The following PTPRD variants were observed in gnomAD, a reference collection of about 807,000 sequenced individuals.
The protein encoded by PTPRD is protein tyrosine phosphatase receptor type D.
In PTPRD, 34 loss-of-function variants were observed where a neutral mutation model predicts 214.5. That is an observed-to-expected ratio of 0.16 (90% confidence interval 0.12 to 0.21). The LOEUF is 0.21. Among genes scored for constraint, PTPRD ranks in the 10% least tolerant of loss-of-function variants. The pLI is 1.00. For missense variants in PTPRD, 2,545 were observed against 2,398.7 expected (o/e 1.06, Z -1.27); for synonymous variants, 1,128 against 845.7 (o/e 1.33, Z -5.79).
chr9:9,833,407 T>A (rs1047594771), intron 5 of PTPRD, among the ~76,000 whole-genome samples: 1 of 151,946 alleles, frequency 6.6e-6, no homozygotes, highest in African/African-American at 2.4e-5. Context: ...AGACATCAAG[T>A]ACTTAACAGG....
chr9:8,758,455 A>T (rs911584311), intron 11 of PTPRD, among the ~76,000 whole-genome samples: 8 of 152,232 alleles, frequency 5.3e-5, no homozygotes, highest in Admixed American at 4.6e-4. Context: ...TTTAAAAAAT[A>T]AAAAGCTATG....
chr9:8,497,636 A>G (rs1034623488), intron 25 of PTPRD, among the ~76,000 whole-genome samples: 2 of 152,206 alleles, frequency 1.3e-5, no homozygotes, highest in South Asian at 2.1e-4. Flanking sequence ...ATCTTTCATT[A>G]TATTTGACAC....
At position 10,504,115 on chromosome 9, in the gene PTPRD, C is replaced by CAAAAAAAAAAAAAA. The variant is rs71332747; in HGVS notation, c.-600+108269_-600+108282dup. ...TGGGGCACAGAGCGAGACTCTGTCT[C>CAAAAAAAAAAAAAA]AAAAAAAAAAAAAAAAAAAAAAAAA... On this transcript the variant is annotated intron_variant, in intron 2 of 45. Transcript: ENST00000381196. Among the ~76,000 whole-genome samples, 205 of 26,964 alleles carry CAAAAAAAAAAAAAA rather than the reference C, an allele frequency of 7.6e-3. 50 individuals carry two copies. Among genetic ancestry groups the CAAAAAAAAAAAAAA allele is most frequent in the African/African-American group, 0.015 (85 of 5,548 alleles). The allele number at this position is 26,964 out of a possible 152,430, so 17.7% of individuals were successfully genotyped here.
intron 11 of PTPRD, among the ~76,000 whole-genome samples, chr9:8,898,568 T>C (rs897615827): frequency 2.6e-5 from 4 of 152,220 alleles, no homozygotes; most frequent in African/African-American, 9.6e-5. Context: ...TAAAATAGCA[T>C]TCAAAAACTA....
intron 8 of PTPRD, among the ~76,000 whole-genome samples, chr9:9,558,910 G>A (rs1449964113): frequency 6.6e-6 from 1 of 152,160 alleles, no homozygotes. Context: ...GCCTTATGTT[G>A]CATTAGGACT....
At chr9:10,135,894 G>C (rs1229537402) in intron 3 of PTPRD, among the ~76,000 whole-genome samples, 1 of 151,112 alleles carries the variant, frequency 6.6e-6, no homozygotes, top group African/African-American at 2.4e-5. Context: ...AATCTTGATG[G>C]AAATGATCTA....
At chr9:9,445,000 A>T (rs1262859868) in intron 8 of PTPRD, among the ~76,000 whole-genome samples, 1 of 152,138 alleles carries the variant, frequency 6.6e-6, no homozygotes, top group Non-Finnish European at 1.5e-5. Flanking sequence ...AGTGTTTTAA[A>T]TTATTTCTTG....
At chr9:8,519,697 C>A (rs893335650) in intron 20 of PTPRD, among the ~76,000 whole-genome samples, 1 of 152,168 alleles carries the variant, frequency 6.6e-6, no homozygotes, top group Non-Finnish European at 1.5e-5. Context: ...AGTCAGCACC[C>A]ATTCACCTCA....
At chr9:9,153,584 T>C (rs1323623271) in intron 10 of PTPRD, among the ~76,000 whole-genome samples, 4 of 152,252 alleles carry the variant, frequency 2.6e-5, no homozygotes, top group African/African-American at 4.8e-5. Flanking sequence ...TTATTTAACT[T>C]ATTAATGGTA....
Position 10,163,995 on chromosome 9 carries a change from CA to C in PTPRD, c.-544-130206del, listed in dbSNP as rs1235052914. Among the ~76,000 whole-genome samples, 19 of 151,374 alleles carry C rather than the reference CA, an allele frequency of 1.3e-4. 1 individual carries two copies. The South Asian group carries it at 3.7e-3, about 30-fold the overall frequency. ...CTATATGGCAATGAACTATTTTTAA[CA>C]CACACACCTAGACCCAGAATTCAAA... On this transcript the variant is annotated intron_variant, in intron 3 of 45. Coordinates refer to ENST00000381196, the MANE Select transcript of PTPRD (RefSeq NM_002839.4).
intron 35 of PTPRD, among the ~76,000 whole-genome samples, chr9:8,433,971 C>A (rs1023782287): frequency 1.3e-5 from 2 of 150,250 alleles, no homozygotes; most frequent in Non-Finnish European, 2.9e-5. Context: ...TACATAGGGG[C>A]ACCATTTGTT....
At chr9:8,457,217 C>A (rs1303704277) in intron 33 of PTPRD, among the ~76,000 whole-genome samples, 2 of 152,146 alleles carry the variant, frequency 1.3e-5, no homozygotes, top group South Asian at 2.1e-4. Context: ...CTACCCCATG[C>A]AACCAGCTAG....
chr9:9,790,515 G>A (rs938957596), intron 5 of PTPRD, among the ~76,000 whole-genome samples: 1 of 152,098 alleles, frequency 6.6e-6, no homozygotes. Flanking sequence ...TATCTCAAAT[G>A]TTTTGTAAGT....
At chr9:10,157,373 T>C (rs1433083423) in intron 3 of PTPRD, among the ~76,000 whole-genome samples, 2 of 152,208 alleles carry the variant, frequency 1.3e-5, no homozygotes, top group Non-Finnish European at 2.9e-5. Context: ...GGGATCTTAT[T>C]TCTCCTTTGC....
At chr9:9,975,197 A>G (rs2095308683) in intron 4 of PTPRD, among the ~76,000 whole-genome samples, 1 of 152,084 alleles carries the variant, frequency 6.6e-6, no homozygotes, top group African/African-American at 2.4e-5. Flanking sequence ...GTTTGACATG[A>G]TGGACTTCAG....
chr9:10,489,770 C>CTGTTATGATAGGGCAGCAT (rs2099155240), intron 2 of PTPRD, among the ~76,000 whole-genome samples: 1 of 152,068 alleles, frequency 6.6e-6, no homozygotes, highest in Non-Finnish European at 1.5e-5. Context: ...GTTTTGTTTT[C>CTGTTATGATAGGGCAGCAT]TGTTATGATA....
intron 3 of PTPRD, among the ~76,000 whole-genome samples, chr9:10,335,368 A>T (rs1218326093): frequency 3.3e-5 from 5 of 151,812 alleles, no homozygotes; most frequent in African/African-American, 1.2e-4. Flanking sequence ...GGTGCCTGGT[A>T]CAAATAGACA....
At chr9:9,405,003 A>G (rs10759064) in intron 8 of PTPRD, among the ~76,000 whole-genome samples, 83,086 of 151,796 alleles carry the variant, frequency 0.55, 23,339 homozygotes, top group Admixed American at 0.62. Flanking sequence ...TTTCCCCATC[A>G]TTTCTGGATT....
chr9:9,797,736 C>CT (rs1257449061), intron 5 of PTPRD, among the ~76,000 whole-genome samples: 1 of 149,214 alleles, frequency 6.7e-6, no homozygotes, highest in Non-Finnish European at 1.5e-5. Flanking sequence ...ATCCCAGCTA[C>CT]TCGGGGGGGG....
Sources: allele counts gnomAD v4.1 joint callset (sites outside exome capture counted in the v4.1 genomes callset), GRCh38; gene constraint gnomAD v4.1.1; transcripts MANE v1.5; gene names NCBI Gene and HGNC (gene_info 2026-07-23, HGNC 2026-07-21).